Variants in PCCA observed in about 807,000 individuals in gnomAD.
The protein encoded by PCCA is propionyl-CoA carboxylase subunit alpha.
Under a neutral mutation model 101.3 loss-of-function variants are expected in PCCA, and 74 were observed. That is an observed-to-expected ratio of 0.73 (90% CI 0.61 to 0.89). PCCA has a LOEUF of 0.89. PCCA is among the 40% of genes least tolerant of loss of function. PCCA has a pLI of 0.00. For missense variants in PCCA, 891 were observed against 907.0 expected, an observed-to-expected ratio of 0.98 and a Z score of 0.23; for synonymous variants, 294 against 313.6, an observed-to-expected ratio of 0.94 and a Z score of 0.66.
intron 17 of PCCA, 90 bp downstream of exon 17, chr13:100,330,761 G>C: frequency 2.5e-6 from 2 of 786,094 alleles, no homozygotes. Context: ...TTGAAATTAA[G>C]GCCTTTTGGC....
intron 18 of PCCA, among the ~76,000 whole-genome samples, chr13:100,347,366 A>G (rs1040706493): frequency 5.9e-5 from 9 of 152,202 alleles, no homozygotes; most frequent in African/African-American, 1.7e-4. Flanking sequence ...AGGTATTCCT[A>G]TATACTAAAA....
At chr13:100,146,683 A>T (rs1057101890) in intron 4 of PCCA, among the ~76,000 whole-genome samples, 33 of 152,242 alleles carry the variant, frequency 2.2e-4, no homozygotes, top group African/African-American at 7.5e-4. Flanking sequence ...AAAAAAATGA[A>T]TCATTTTTCT....
intron 8 of PCCA, chr13:100,237,362 G>C (rs1266132464): frequency 6.6e-6 from 1 of 152,138 alleles, no homozygotes; most frequent in East Asian, 1.9e-4. Flanking sequence ...TTTAAGACCA[G>C]ACCATAGAAA....
rs537912547 is a variant in PCCA at position 100,246,572 on chromosome 13, C to T, written c.637+10694C>T. ...CAAATTCCTGGGCTCTACTGATCCT[C>T]CTGCTTTGGCCTCCCAAAGTGCTAG... On this transcript the variant is annotated intron_variant, in intron 8 of 23. Coordinates refer to ENST00000376285, the MANE Select transcript of PCCA (RefSeq NM_000282.4). Among the ~76,000 whole-genome samples, 37 of 152,204 alleles carry T rather than the reference C, an allele frequency of 2.4e-4. No individual in the cohort carries two copies. The East Asian group carries it at 4.8e-3, about 20-fold the overall frequency.
At chr13:100,101,793 G>C in intron 1 of PCCA, among the ~76,000 whole-genome samples, 1 of 151,948 alleles carries the variant, frequency 6.6e-6, no homozygotes, top group East Asian at 1.9e-4. Context: ...AGTAGAGACG[G>C]GATTTCGCCA....
Position 100,226,653 on chromosome 13 carries a change from A to G in PCCA, c.601-9189A>G, listed in dbSNP as rs183808722. Among the ~76,000 whole-genome samples, 468 of 152,276 alleles carry G rather than the reference A, an allele frequency of 3.1e-3. 10 individuals carry two copies. Among genetic ancestry groups the G allele is most frequent in the East Asian group, 3.1e-3 (16 of 5,190 alleles). ...AAGAGAGGAAGTACATGTTTTTTCC[A>G]GTATTGTAGCGCCAGGGTTAGTTCT... is the stretch of plus-strand genomic sequence containing the variant. On this transcript the variant is annotated intron_variant, in intron 7 of 23. Coordinates refer to ENST00000376285, the MANE Select transcript of PCCA (RefSeq NM_000282.4).
intron 21 of PCCA, among the ~76,000 whole-genome samples, chr13:100,494,378 T>A (rs973242084): frequency 6.6e-6 from 1 of 151,646 alleles, no homozygotes; most frequent in African/African-American, 2.4e-5. Flanking sequence ...GCCTAAGCAG[T>A]CTTGACTTTA....
intron 21 of PCCA, among the ~76,000 whole-genome samples, chr13:100,483,330 G>A (rs1257148777): frequency 1.3e-5 from 2 of 151,944 alleles, no homozygotes; most frequent in East Asian, 3.9e-4. Context: ...GCTTCCCACT[G>A]TTCTCAGCCA....
At chr13:100,268,514 G>A in intron 10 of PCCA, 175 bp from the exon 11 acceptor site, 1 of 697,914 alleles carries the variant, frequency 1.4e-6, no homozygotes, top group Middle Eastern at 3.3e-4. Flanking sequence ...GAGCTTTGGA[G>A]TAATAAATAT....
At chr13:100,227,662 C>A (rs117629298) in intron 7 of PCCA, among the ~76,000 whole-genome samples, 4,898 of 152,238 alleles carry the variant, frequency 0.032, 126 homozygotes, top group Middle Eastern at 0.068. Flanking sequence ...CTTTCCCCAT[C>A]GGTGCTCAAA....
chr13:100,151,183 G>A, intron 4 of PCCA: 1 of 731,974 alleles, frequency 1.4e-6, no homozygotes. Context: ...ATTTTTCTCA[G>A]TCCTGTAAGA....
At chr13:100,506,108 C>G (rs1201453513) in intron 21 of PCCA, among the ~76,000 whole-genome samples, 4 of 152,118 alleles carry the variant, frequency 2.6e-5, no homozygotes, top group African/African-American at 9.7e-5. Flanking sequence ...ATGTCACAGT[C>G]GGGCCTGTTG....
chr13:100,271,534 A>T (rs549749111), intron 11 of PCCA, among the ~76,000 whole-genome samples: 1 of 152,310 alleles, frequency 6.6e-6, no homozygotes, highest in South Asian at 2.1e-4. Flanking sequence ...TAAGACAGTA[A>T]AATGACCAGA....
chr13:100,456,017 T>C (rs2081680677), intron 21 of PCCA, among the ~76,000 whole-genome samples: 1 of 152,200 alleles, frequency 6.6e-6, no homozygotes, highest in Non-Finnish European at 1.5e-5. Context: ...ATAGTTTCTT[T>C]AGGGTTTTGT....
At chr13:100,402,502 C>A (rs2077427068) in intron 19 of PCCA, among the ~76,000 whole-genome samples, 1 of 152,060 alleles carries the variant, frequency 6.6e-6, no homozygotes, top group Admixed American at 6.5e-5. Context: ...ATCTGTCGTT[C>A]TTCAAGATCA....
At chr13:100,403,756 G>C (rs552360718) in intron 19 of PCCA, among the ~76,000 whole-genome samples, 17 of 152,210 alleles carry the variant, frequency 1.1e-4, no homozygotes, top group African/African-American at 3.9e-4. Flanking sequence ...ACTCTTCAAG[G>C]CCAGAGTCCT....
At chr13:100,277,683 G>T (rs1451930472) in intron 12 of PCCA, among the ~76,000 whole-genome samples, 2 of 152,142 alleles carry the variant, frequency 1.3e-5, no homozygotes, top group Non-Finnish European at 2.9e-5. Flanking sequence ...TGCACATCCA[G>T]AACCTCATGC....
Position 100,112,392 on chromosome 13 carries a change from C to T in PCCA, c.300+331C>T, listed in dbSNP as rs144382683. 5.4e-3 allele frequency among the ~76,000 whole-genome samples: 820 copies of T among 152,228 alleles called. 14 individuals are homozygous for T. The highest frequency in any genetic ancestry group is 0.019 in the African/African-American group (786 of 41,522). The stretch of plus-strand genomic sequence containing the variant: ...GTGCTCCCTTATGAGAGCACTTTCC[C>T]CCAGCATAGCTTCAGTATCACTAAG... On this transcript the variant is annotated intron_variant, in intron 4 of 23. Transcript: ENST00000376285.
chr13:100,517,436 A>G (rs1468950739), intron 22 of PCCA, among the ~76,000 whole-genome samples: 1 of 152,218 alleles, frequency 6.6e-6, no homozygotes, highest in African/African-American at 2.4e-5. Context: ...GAACAATGTG[A>G]TATCAGTCCT....
Sources: gnomAD v4.1 joint callset for allele counts (sites outside exome capture counted in the v4.1 genomes callset) on GRCh38, gnomAD v4.1.1 for gene constraint, MANE v1.5 for transcripts, NCBI Gene and HGNC (gene_info 2026-07-23, HGNC 2026-07-21) for gene names.